Variants in IFT88 observed in about 807,000 individuals in gnomAD.
IFT88 encodes the protein intraflagellar transport protein 88 homolog.
IFT88 carries 74 observed loss-of-function variants against 119.5 expected under a neutral mutation model. The observed-to-expected ratio is 0.62, with a 90% CI of 0.51 to 0.75. The LOEUF (loss-of-function observed/expected upper bound fraction) is 0.75, where lower values mean the gene tolerates loss of function less well. Among genes scored for constraint, IFT88 ranks in the 30% least tolerant of loss-of-function variants. The pLI is 0.00. For missense variants in IFT88, 961 were observed against 977.7 expected (o/e 0.98, Z 0.23); for synonymous variants, 279 against 316.7 (o/e 0.88, Z 1.26).
At chr13:20,679,788 C>T (rs1215830151) in intron 24 of IFT88, among the ~76,000 whole-genome samples, 1 of 152,106 alleles carries the variant, frequency 6.6e-6, no homozygotes, top group Non-Finnish European at 1.5e-5. Flanking sequence ...TTTTTCAGTG[C>T]CATTAATATT....
rs543634750 is a variant in IFT88 at position 20,582,770 on chromosome 13, G to A, written c.91-187G>A. 3.3e-5 allele frequency among the ~76,000 whole-genome samples: 5 copies of A among 152,282 alleles called. No homozygotes were observed. The South Asian group carries it at 1.0e-3, about 32-fold the overall frequency. ...TAACATGACCGGTACTCCTCATTCTGGGAGAGGAAGGAGGTTTGCTATTCT... is the reference window on the plus strand; with the variant it reads ...TAACATGACCGGTACTCCTCATTCTAGGAGAGGAAGGAGGTTTGCTATTCT... On this transcript the variant is annotated intron_variant, in intron 2 of 25. Transcript: ENST00000351808.
At chr13:20,580,926 C>T (rs566183085) in intron 2 of IFT88, among the ~76,000 whole-genome samples, 46 of 151,892 alleles carry the variant, frequency 3.0e-4, no homozygotes, top group Non-Finnish European at 6.3e-4. Context: ...GAGGTTTCAC[C>T]GTGTTAGCCA....
In IFT88 at chr13:20,634,948, C is replaced by A. The variant is rs372075810; in HGVS notation, c.1387-3384C>A. ...ATATGTCCTAATGCTATCCCTCCCCCCTCCCCCCACCCCACAACAGGCCCC... is the reference window on the plus strand; with the variant it reads ...ATATGTCCTAATGCTATCCCTCCCCACTCCCCCCACCCCACAACAGGCCCC... On this transcript the variant is annotated intron_variant, in intron 16 of 25. Transcript: ENST00000351808. Among the ~76,000 whole-genome samples, 3 of 111,106 alleles carry A rather than the reference C, an allele frequency of 2.7e-5. 1 individual carries two copies. Among genetic ancestry groups the A allele is most frequent in the South Asian group, 7.3e-4 (2 of 2,752 alleles). The allele number at this position is 111,106 out of a possible 152,430, so 72.9% of individuals were successfully genotyped here.
At chr13:20,643,744 G>A in intron 19 of IFT88, 139 bp downstream of exon 19, 1 of 684,152 alleles carries the variant, frequency 1.5e-6, no homozygotes, top group African/African-American at 1.8e-5. Context: ...CTTGGAAAAT[G>A]AAGTTAGTTT....
At chr13:20,663,438 G>C in intron 22 of IFT88, 60 bp from the exon 23 acceptor site, 1 of 1,589,494 alleles carries the variant, frequency 6.3e-7, no homozygotes, top group Non-Finnish European at 8.6e-7. Flanking sequence ...CTGATTTATT[G>C]AGCTTTTAAC....
At chr13:20,651,138 GT>G (rs1448224553) in intron 20 of IFT88, among the ~76,000 whole-genome samples, 1 of 151,880 alleles carries the variant, frequency 6.6e-6, no homozygotes, top group Non-Finnish European at 1.5e-5. Context: ...TTTTCAAATT[GT>G]TTTGGCTATT....
intron 24 of IFT88, among the ~76,000 whole-genome samples, chr13:20,687,035 A>C (rs1208546029): frequency 2.6e-5 from 4 of 151,020 alleles, no homozygotes; most frequent in Non-Finnish European, 5.9e-5. Flanking sequence ...AAAAAAAAAA[A>C]AAAAAAAAAA....
intron 13 of IFT88, among the ~76,000 whole-genome samples, chr13:20,615,053 G>T (rs372599957): frequency 1.3e-5 from 2 of 152,214 alleles, no homozygotes; most frequent in East Asian, 3.9e-4. Flanking sequence ...CTGACCTTGT[G>T]ATCCACCTGC....
chr13:20,607,586 C>T, intron 13 of IFT88: 1 of 745,130 alleles, frequency 1.3e-6, no homozygotes, highest in Non-Finnish European at 2.5e-6. Flanking sequence ...TGCGGATCCA[C>T]CATCTCCCGC....
At chr13:20,653,759 A>C (rs530972085) in intron 20 of IFT88, 117 bp from the exon 21 acceptor site, 1 of 506,188 alleles carries the variant, frequency 2.0e-6, no homozygotes. Flanking sequence ...CTCAATAATA[A>C]AAATTATCTA....
intron 20 of IFT88, among the ~76,000 whole-genome samples, chr13:20,647,848 G>A (rs940131458): frequency 4.5e-4 from 69 of 152,108 alleles, no homozygotes; most frequent in Admixed American, 4.5e-3. Flanking sequence ...GTCTGCACAG[G>A]CCAGTGAATT....
chr13:20,610,326 C>T (rs1468806854), intron 13 of IFT88, among the ~76,000 whole-genome samples: 1 of 151,988 alleles, frequency 6.6e-6, no homozygotes, highest in East Asian at 1.9e-4. Context: ...GAGACAATTG[C>T]TGTGTAAAAC....
intron 2 of IFT88, among the ~76,000 whole-genome samples, chr13:20,578,766 C>G (rs1484734658): frequency 6.6e-6 from 1 of 152,114 alleles, no homozygotes; most frequent in African/African-American, 2.4e-5. Context: ...TTCGGCTGGT[C>G]TTGAACTGCT....
At chr13:20,599,224 G>C (rs888486755) in intron 10 of IFT88, among the ~76,000 whole-genome samples, 2 of 152,024 alleles carry the variant, frequency 1.3e-5, no homozygotes, top group South Asian at 4.1e-4. Flanking sequence ...GCACAATAAT[G>C]TAAATCAGTT....
intron 3 of IFT88, among the ~76,000 whole-genome samples, chr13:20,586,897 GT>G (rs2039772490): frequency 5.3e-5 from 3 of 56,610 alleles, no homozygotes; most frequent in Admixed American, 2.4e-4. Context: ...ATATATGTAT[GT>G]TTTTTCCCAT....
chr13:20,643,894 C>T (rs1373028931), intron 19 of IFT88, among the ~76,000 whole-genome samples: 1 of 152,120 alleles, frequency 6.6e-6, no homozygotes, highest in Admixed American at 6.5e-5. Flanking sequence ...GCTGGGATTA[C>T]AGGCGCCTGC....
In IFT88 at chr13:20,638,544, T is replaced by C. The variant is rs1594505680; in HGVS notation, c.1573+26T>C. On this transcript the variant is annotated intron_variant, in intron 17 of 25. Transcript: ENST00000351808. Reference sequence around the variant, plus strand: ...GTAAGTGAAACAAGGGGAAATTGCTTTTTAAATTATTTATTTGCTTTGTAT... The same window carrying C: ...GTAAGTGAAACAAGGGGAAATTGCTCTTTAAATTATTTATTTGCTTTGTAT... 7 of 1,337,748 alleles carry C rather than the reference T, an allele frequency of 5.2e-6. No homozygotes were observed. In the East Asian group the frequency reaches 1.9e-4, roughly 37 times the overall value. The allele number at this position is 1,337,748 out of a possible 1,614,324, so 82.9% of individuals were successfully genotyped here.
chr13:20,673,439 A>G (rs2056205227), intron 24 of IFT88, among the ~76,000 whole-genome samples: 1 of 152,214 alleles, frequency 6.6e-6, no homozygotes, highest in Non-Finnish European at 1.5e-5. Context: ...AAGTAACCCC[A>G]GGAAGACTGA....
intron 14 of IFT88, 60 bp from the exon 15 acceptor site, chr13:20,625,690 C>A: frequency 2.6e-6 from 3 of 1,162,466 alleles, no homozygotes; most frequent in Non-Finnish European, 1.2e-6. Context: ...TTTAAGAAAA[C>A]CAACAGCATC....
Sources: gnomAD v4.1 joint callset for allele counts (sites outside exome capture counted in the v4.1 genomes callset) on GRCh38, gnomAD v4.1.1 for gene constraint, MANE v1.5 for transcripts, NCBI Gene and HGNC (gene_info 2026-07-23, HGNC 2026-07-21) for gene names.